Variants in FSTL5 observed in about 807,000 individuals in gnomAD.
FSTL5 encodes follistatin-related protein 5.
FSTL5 carries 62 observed loss-of-function variants against 89.1 expected under a neutral mutation model. The observed-to-expected ratio is 0.70, with a 90% CI of 0.57 to 0.86. The LOEUF (loss-of-function observed/expected upper bound fraction) is 0.86. FSTL5 is among the 40% of genes least tolerant of loss of function. The pLI, the probability that FSTL5 is intolerant of heterozygous loss-of-function variation, is 0.00. For synonymous variants in FSTL5, 383 were observed against 346.2 expected (o/e 1.11, Z -1.18); for missense variants, 1,057 against 1,001.6 (o/e 1.06, Z -0.75).
Position 162,022,240 on chromosome 4 carries a change from GTAAT to G in FSTL5, c.160+11381_160+11384del, listed in dbSNP as rs1737116052. Among the ~76,000 whole-genome samples the G allele has an allele frequency of 2.0e-5, 3 of 151,818 alleles. No individual in the cohort carries two copies. The South Asian group carries it at 6.2e-4, about 31-fold the overall frequency. On this transcript the variant is annotated intron_variant, in intron 3 of 15. Coordinates refer to ENST00000306100, the MANE Select transcript of FSTL5 (RefSeq NM_020116.5). The stretch of plus-strand genomic sequence containing the variant: ...ATTTCTACATTTTACATTTAAACAA[GTAAT>G]TAAAAAACCACATCTATAGCTTCAT...
chr4:161,658,972 C>T (rs749470120), intron 6 of FSTL5, among the ~76,000 whole-genome samples: 34 of 152,246 alleles, frequency 2.2e-4, no homozygotes, highest in Non-Finnish European at 5.9e-5. Flanking sequence ...TATTAGGTCC[C>T]AGGCCATTTG....
intron 2 of FSTL5, among the ~76,000 whole-genome samples, chr4:162,069,798 A>C (rs1222611220): frequency 1.3e-5 from 2 of 151,968 alleles, no homozygotes; most frequent in Non-Finnish European, 2.9e-5. Context: ...ATCTGTTGGC[A>C]GACACTTTGG....
chr4:161,497,484 T>G (rs1730123922), intron 12 of FSTL5, among the ~76,000 whole-genome samples: 1 of 152,104 alleles, frequency 6.6e-6, no homozygotes, highest in South Asian at 2.1e-4. Flanking sequence ...TCCAATGCAG[T>G]AAAAATGTCA....
At chr4:162,027,909 G>A (rs1348242958) in intron 3 of FSTL5, among the ~76,000 whole-genome samples, 2 of 151,934 alleles carry the variant, frequency 1.3e-5, no homozygotes, top group South Asian at 2.1e-4. Flanking sequence ...AAATAAATCC[G>A]AGAAAATAGA....
intron 3 of FSTL5, among the ~76,000 whole-genome samples, chr4:161,960,594 T>C (rs1347258606): frequency 6.6e-6 from 1 of 152,070 alleles, no homozygotes. Context: ...TGTAGAAACA[T>C]TTATATTATA....
chr4:161,818,177 C>T (rs761408966), intron 4 of FSTL5, among the ~76,000 whole-genome samples: 12 of 152,270 alleles, frequency 7.9e-5, no homozygotes, highest in South Asian at 2.1e-4. Flanking sequence ...AGCACACCCG[C>T]AGGCCACCCC....
chr4:161,386,600 A>T (rs746703801), intron 15 of FSTL5, 151 bp from the exon 16 acceptor site: 22 of 595,470 alleles, frequency 3.7e-5, no homozygotes, highest in Non-Finnish European at 4.8e-5. Context: ...ATTAATCTGT[A>T]GATTGTGCCA....
intron 6 of FSTL5, among the ~76,000 whole-genome samples, chr4:161,741,437 CT>C (rs1317312336): frequency 5.3e-5 from 8 of 152,036 alleles, no homozygotes; most frequent in Non-Finnish European, 8.8e-5. Context: ...CTGTGGTGGC[CT>C]CTAGAAGCTG....
chr4:161,863,660 A>G (rs1383156393), intron 4 of FSTL5, among the ~76,000 whole-genome samples: 1 of 152,158 alleles, frequency 6.6e-6, no homozygotes, highest in East Asian at 1.9e-4. Flanking sequence ...CCTCACTTGT[A>G]TTGGTTCCAC....
chr4:161,447,024 T>C (rs921010175), intron 15 of FSTL5, among the ~76,000 whole-genome samples: 7 of 152,100 alleles, frequency 4.6e-5, no homozygotes, highest in Non-Finnish European at 1.0e-4. Flanking sequence ...AAGAGAATAC[T>C]GGATCCTGTG....
intron 6 of FSTL5, among the ~76,000 whole-genome samples, chr4:161,697,195 G>T (rs113332965): frequency 6.6e-6 from 1 of 152,222 alleles, no homozygotes; most frequent in East Asian, 1.9e-4. Flanking sequence ...CCTGCCATGG[G>T]ACTGAGGAAT....
chr4:161,688,812 T>C (rs894694545), intron 6 of FSTL5, among the ~76,000 whole-genome samples: 4 of 152,182 alleles, frequency 2.6e-5, no homozygotes, highest in Non-Finnish European at 4.4e-5. Context: ...CTACTGCTTG[T>C]TTATTCCCCT....
At chr4:161,490,187 A>C (rs934196447) in intron 12 of FSTL5, among the ~76,000 whole-genome samples, 1 of 152,128 alleles carries the variant, frequency 6.6e-6, no homozygotes, top group Non-Finnish European at 1.5e-5. Flanking sequence ...CAAATCCATA[A>C]AAAATCGAAA....
At chr4:161,738,631 T>G (rs1739900812) in intron 6 of FSTL5, among the ~76,000 whole-genome samples, 1 of 152,072 alleles carries the variant, frequency 6.6e-6, no homozygotes, top group African/African-American at 2.4e-5. Context: ...CTTTTCAAAT[T>G]AAATAAAGAT....
intron 6 of FSTL5, among the ~76,000 whole-genome samples, chr4:161,725,103 G>A (rs1739351721): frequency 6.6e-6 from 1 of 152,138 alleles, no homozygotes; most frequent in African/African-American, 2.4e-5. Flanking sequence ...GGCTGAGGCA[G>A]GAGAATCACT....
intron 1 of FSTL5, among the ~76,000 whole-genome samples, chr4:162,156,738 A>G (rs899206753): frequency 8.5e-5 from 13 of 152,134 alleles, no homozygotes; most frequent in African/African-American, 3.1e-4. Flanking sequence ...ACTGGAGTCT[A>G]CAAGAGTGGA....
At chr4:161,566,242 A>T (rs1235137615) in intron 8 of FSTL5, among the ~76,000 whole-genome samples, 4 of 150,754 alleles carry the variant, frequency 2.7e-5, no homozygotes, top group Non-Finnish European at 1.5e-5. Flanking sequence ...CAATTATCCT[A>T]AGTGAAGTAA....
At chr4:162,120,619 A>G (rs1731818762) in intron 1 of FSTL5, among the ~76,000 whole-genome samples, 1 of 152,064 alleles carries the variant, frequency 6.6e-6, no homozygotes. Flanking sequence ...AATTGAAAAT[A>G]TTTGAATTGA....
intron 4 of FSTL5, among the ~76,000 whole-genome samples, chr4:161,842,059 T>C (rs1731227549): frequency 6.6e-6 from 1 of 152,074 alleles, no homozygotes; most frequent in Non-Finnish European, 1.5e-5. Context: ...TAGCTGCAAA[T>C]TGACAGCTGG....
Sources: allele counts gnomAD v4.1 joint callset (sites outside exome capture counted in the v4.1 genomes callset), GRCh38; gene constraint gnomAD v4.1.1; transcripts MANE v1.5; gene names NCBI Gene and HGNC (gene_info 2026-07-23, HGNC 2026-07-21).